ZNF662: variants seen among roughly 807,000 people sequenced by gnomAD.
ZNF662 encodes the protein zinc finger protein 662.
ZNF662 carries 14 observed loss-of-function variants against 12.4 expected under a neutral mutation model. The ratio of observed to expected loss-of-function variants is 1.13; its 90% CI spans 0.75 to 1.77. The LOEUF (loss-of-function observed/expected upper bound fraction) is 1.77. Among genes scored for constraint, ZNF662 ranks in the 40% most tolerant of loss-of-function variants. The pLI, the probability that ZNF662 is intolerant of heterozygous loss-of-function variation, is 0.00. For missense variants in ZNF662, 550 were observed against 515.6 expected, an observed-to-expected ratio of 1.07 and a Z score of -0.65; for synonymous variants, 184 against 176.4, an observed-to-expected ratio of 1.04 and a Z score of -0.34.
At position 42,917,157 on chromosome 3, in the gene ZNF662, C is replaced by A; in HGVS notation, c.*1803C>A. 1 of 285,068 alleles carries A rather than the reference C, an allele frequency of 3.5e-6. No individual in the cohort carries two copies. The highest frequency in any genetic ancestry group is 6.4e-6 in the Non-Finnish European group (1 of 155,976). The allele number at this position is 285,068 out of a possible 1,614,324, so 17.7% of individuals were successfully genotyped here. On this transcript the variant is annotated 3_prime_UTR_variant, in exon 5 of 5. Coordinates refer to ENST00000440367, the MANE Select transcript of ZNF662 (RefSeq NM_207404.4). ...TTATTGGTTTCCATCATCTCTTCCC[C>A]TTCTCTCTGGGAACAGTTACCCGGG...
In ZNF662 at chr3:42,917,602, A is replaced by G. The variant is rs768791378; in HGVS notation, c.*2248A>G. Reference sequence around the variant, plus strand: ...TTACCTGAAGCAGAGCTACCTCAGAACTTTTCAGCTATGTGAGCCAATAAA... The same window carrying G: ...TTACCTGAAGCAGAGCTACCTCAGAGCTTTTCAGCTATGTGAGCCAATAAA... On this transcript the variant is annotated 3_prime_UTR_variant, in exon 5 of 5. Transcript: ENST00000440367. 2.2e-5 allele frequency: 15 copies of G among 693,200 alleles called. No homozygotes were observed. The South Asian group carries it at 2.3e-4, about 11-fold the overall frequency. 42.9% of individuals were successfully genotyped at this position (693,200 alleles called of 1,614,324 possible). A position where few individuals can be genotyped will look rare whatever the true frequency, so the allele number is the denominator to read the frequency against.
rs903313627 is a variant in ZNF662, at chr3:42,917,977, A to G, written c.*2623A>G. Reference sequence around the variant, plus strand: ...CAAAATTAGCCAGGTGTGGTGGCACATGCCAGTAATCTCAGCTACTCAGGA... The same window carrying G: ...CAAAATTAGCCAGGTGTGGTGGCACGTGCCAGTAATCTCAGCTACTCAGGA... On this transcript the variant is annotated 3_prime_UTR_variant, in exon 5 of 5. Coordinates refer to ENST00000440367, the MANE Select transcript of ZNF662 (RefSeq NM_207404.4). 7.2e-5 allele frequency among the ~76,000 whole-genome samples: 11 copies of G among 152,226 alleles called. No individual in the cohort carries two copies. The highest frequency in any genetic ancestry group is 1.2e-4 in the Non-Finnish European group (8 of 68,034).
At position 42,906,274 on chromosome 3, in the gene ZNF662, C is replaced by A; in HGVS notation, c.-94+106C>A. On this transcript the variant is annotated intron_variant, in intron 1 of 4. Coordinates refer to ENST00000440367, the MANE Select transcript of ZNF662 (RefSeq NM_207404.4). This position sits in a 1 kb window ranked among gnomAD's most constrained non-coding sequence, Gnocchi z 4.4. Reference sequence around the variant, plus strand: ...TAGCCGTGTCAGGCCTGCCCAGGTGCAGAGCGCTCTTCCGCGACCCCAACA... The same window carrying A: ...TAGCCGTGTCAGGCCTGCCCAGGTGAAGAGCGCTCTTCCGCGACCCCAACA... The A allele has an allele frequency of 7.2e-7, 1 of 1,381,544 alleles. No homozygotes were observed. 85.6% of individuals were successfully genotyped at this position (1,381,544 alleles called of 1,614,324 possible).
Position 42,915,377 on chromosome 3 carries a change from G to C in ZNF662, c.*23G>C, listed in dbSNP as rs113518067. On this transcript the variant is annotated 3_prime_UTR_variant, in exon 5 of 5. Transcript: ENST00000440367. Reference sequence around the variant, plus strand: ...TAGAGAGTGCATAATGGTGATACTTGTTTATAATTCTTATGCTGCAGGAAC... The same window carrying C: ...TAGAGAGTGCATAATGGTGATACTTCTTTATAATTCTTATGCTGCAGGAAC... The C allele has an allele frequency of 2.1e-3, 3,196 of 1,522,724 alleles. 30 individuals carry two copies. Among genetic ancestry groups the C allele is most frequent in the African/African-American group, 0.021 (1,501 of 71,826 alleles). The allele number at this position is 1,522,724 out of a possible 1,614,324, so 94.3% of individuals were successfully genotyped here.
Position 42,915,450 on chromosome 3 carries a change from A to C in ZNF662, c.*96A>C. On this transcript the variant is annotated 3_prime_UTR_variant, in exon 5 of 5. Transcript: ENST00000440367. Reference sequence around the variant, plus strand: ...CATTCACAATTTGCTGTAACCCTTAACTTAAATAGCCAGTATTATCTTGCC... The same window carrying C: ...CATTCACAATTTGCTGTAACCCTTACCTTAAATAGCCAGTATTATCTTGCC... 8.7e-7 allele frequency: 1 copy of C among 1,152,638 alleles called. No homozygotes were observed. Among genetic ancestry groups the C allele is most frequent in the South Asian group, 1.6e-5 (1 of 62,584 alleles). 71.4% of individuals were successfully genotyped at this position (1,152,638 alleles called of 1,614,324 possible). A position where few individuals can be genotyped will look rare whatever the true frequency, so the allele number is the denominator to read the frequency against.
At position 42,917,424 on chromosome 3, in the gene ZNF662, A is replaced by G; in HGVS notation, c.*2070A>G. On this transcript the variant is annotated 3_prime_UTR_variant, in exon 5 of 5. Transcript: ENST00000440367. ...AGGAAAATGTGAGACCTAGAATTAT[A>G]GCAACTTTTTTTTTCTGTTAAAAGG... The G allele has an allele frequency of 1.5e-6, 1 of 676,342 alleles. No individual in the cohort carries two copies. The highest frequency in any genetic ancestry group is 2.7e-6 in the Non-Finnish European group (1 of 377,324). The allele number at this position is 676,342 out of a possible 1,614,324, so 41.9% of individuals were successfully genotyped here. A position where few individuals can be genotyped will look rare whatever the true frequency, so the allele number is the denominator to read the frequency against.
rs2088682344 is a variant in ZNF662, at chr3:42,906,590, T to C, written c.-94+422T>C. On this transcript the variant is annotated intron_variant, in intron 1 of 4. Coordinates refer to ENST00000440367, the MANE Select transcript of ZNF662 (RefSeq NM_207404.4). The surrounding 1 kb of genome is among the most constrained non-coding windows in gnomAD (Gnocchi z 4.4). Reference sequence around the variant, plus strand: ...GGCAGCACAGCGGAGTCGACACCCCTGGACCTGAGCCTCAAGGAGAGCAGA... The same window carrying C: ...GGCAGCACAGCGGAGTCGACACCCCCGGACCTGAGCCTCAAGGAGAGCAGA... 1.4e-6 allele frequency: 1 copy of C among 693,396 alleles called. No individual in the cohort carries two copies. Among genetic ancestry groups the C allele is most frequent in the Admixed American group, 3.7e-5 (1 of 26,678 alleles). The allele number at this position is 693,396 out of a possible 1,614,324, so 43.0% of individuals were successfully genotyped here.
At position 42,914,504 on chromosome 3, in the gene ZNF662, G is replaced by A. The variant is rs1388712318; in HGVS notation, c.431G>A (p.Gly144Glu). 1 of 1,614,030 alleles carries A rather than the reference G, an allele frequency of 6.2e-7. No homozygotes were observed. The highest frequency in any genetic ancestry group is 8.5e-7 in the Non-Finnish European group (1 of 1,180,006). Reference sequence around the variant, plus strand: ...GGGAGATGGCCTGGTTACCTCAATGGGGGACGTATGGAAAGTTCTACAAAT... The same window carrying A: ...GGGAGATGGCCTGGTTACCTCAATGAGGGACGTATGGAAAGTTCTACAAAT... ...RLGRWPGYLN[G>E]GRMESSTNDI... is the part of the protein sequence containing the mutation. The change falls in exon 5 of 5, where the codon GGG (glycine) becomes GAG (glutamate). Residue 144 changes from glycine (G) to glutamate (E), a missense_variant. Transcript: ENST00000440367.
Position 42,914,599 on chromosome 3 carries a change from A to C in ZNF662, c.526A>C (p.Asn176His). The change falls in exon 5 of 5, where the codon AAT (asparagine) becomes CAT (histidine). Residue 176 changes from asparagine to histidine, a missense_variant. Transcript: ENST00000440367. Reference protein sequence around the residue: ...VEESSGNTDVNNLLGIHHKIL... With the variant: ...VEESSGNTDVHNLLGIHHKIL... Reference sequence around the variant, plus strand: ...AGAGAGTTCAGGGAATACTGATGTCAATAACCTCCTTGGTATACATCACAA... The same window carrying C: ...AGAGAGTTCAGGGAATACTGATGTCCATAACCTCCTTGGTATACATCACAA... The C allele has an allele frequency of 6.2e-7, 1 of 1,614,176 alleles. No homozygotes were observed. The highest frequency in any genetic ancestry group is 8.5e-7 in the Non-Finnish European group (1 of 1,180,020).
Position 42,915,051 on chromosome 3 carries a change from C to T in ZNF662, c.978C>T (p.His326=). The change falls in exon 5 of 5, where the codon CAC becomes CAT. Residue 326 remains histidine (H), a synonymous_variant. Coordinates refer to ENST00000440367, the MANE Select transcript of ZNF662 (RefSeq NM_207404.4). ...NPALLRHQRM[H]TGEKPYECKD... ...CCCTTCTTCGACATCAGAGAATGCACACTGGGGAGAAGCCTTACGAATGTA... is the reference window on the plus strand; with the variant it reads ...CCCTTCTTCGACATCAGAGAATGCATACTGGGGAGAAGCCTTACGAATGTA... 1 of 1,613,826 alleles carries T rather than the reference C, an allele frequency of 6.2e-7. No homozygotes were observed. Among genetic ancestry groups the T allele is most frequent in the Non-Finnish European group, 8.5e-7 (1 of 1,179,974 alleles).
chr3:42,914,179 G>C, intron 4 of ZNF662, 148 bp from the exon 5 acceptor site: 1 of 630,900 alleles, frequency 1.6e-6, no homozygotes, highest in South Asian at 2.3e-5. Context: ...CTGTGTATTA[G>C]CCTTGTTTTT....
intron 2 of ZNF662, chr3:42,908,510 T>G: frequency 7.1e-6 from 9 of 1,263,108 alleles, no homozygotes; most frequent in Non-Finnish European, 9.0e-6. Context: ...ACTTGAGAGC[T>G]CTAAGAGGGA....
chr3:42,917,311 G>A lies in ZNF662; in HGVS notation c.*1957G>A. 1.7e-6 allele frequency: 1 copy of A among 594,458 alleles called. No homozygotes were observed. The highest frequency in any genetic ancestry group is 3.0e-6 in the Non-Finnish European group (1 of 338,082). 36.8% of individuals were successfully genotyped at this position (594,458 alleles called of 1,614,324 possible). A position where few individuals can be genotyped will look rare whatever the true frequency, so the allele number is the denominator to read the frequency against. On this transcript the variant is annotated 3_prime_UTR_variant, in exon 5 of 5. Transcript: ENST00000440367. ...CTTGGCCACAGAGCCATTGTGATAT[G>A]AGGAGATACTGGCTCTTCTGGAAAA...
In ZNF662 at chr3:42,915,098, T is replaced by C; in HGVS notation, c.1025T>C (p.Met342Thr). 3 of 1,613,990 alleles carry C rather than the reference T, an allele frequency of 1.9e-6. No homozygotes were observed. The highest frequency in any genetic ancestry group is 1.1e-5 in the South Asian group (1 of 91,064). ...TGTAAGGACTGTGGGAAGGGCTTCA[T>C]GTGGAACTCAGATCTTTCTCAGCAC... ...YECKDCGKGF[M>T]WNSDLSQHQR... The change falls in exon 5 of 5, where the codon ATG becomes ACG. Residue 342 changes from methionine (M) to threonine (T), a missense_variant. By Grantham distance (81) the Met-to-Thr change is moderately conservative. Coordinates refer to ENST00000440367, the MANE Select transcript of ZNF662 (RefSeq NM_207404.4).
At chr3:42,907,840 G>A in intron 1 of ZNF662, 182 bp from the exon 2 acceptor site, 2 of 985,362 alleles carry the variant, frequency 2.0e-6, no homozygotes, top group Non-Finnish European at 2.4e-6. Flanking sequence ...GAAAATTGAT[G>A]GCTGATGCCT....
At chr3:42,908,286 C>T (rs578206139) in intron 2 of ZNF662, 138 bp downstream of exon 2, 2 of 1,432,302 alleles carry the variant, frequency 1.4e-6, no homozygotes, top group South Asian at 3.4e-5. Flanking sequence ...GACCTAACCT[C>T]AGCAGCCGTT....
chr3:42,908,603 G>C, intron 2 of ZNF662, 190 bp from the exon 3 acceptor site: 1 of 1,438,642 alleles, frequency 7.0e-7, no homozygotes, highest in Non-Finnish European at 9.1e-7. Context: ...TGAGTCGTCT[G>C]TCAACTTCCT....
rs1559381580 is a variant in ZNF662 at position 42,912,693 on chromosome 3, A to ATTTATATATATAAATATATATATATATT, written c.152-505_152-504insATATATATAAATATATATATATATTTTT. Among the ~76,000 whole-genome samples the ATTTATATATATAAATATATATATATATT allele has an allele frequency of 1.5e-4, 8 of 53,100 alleles. 1 individual carries two copies. Among genetic ancestry groups the ATTTATATATATAAATATATATATATATT allele is most frequent in the South Asian group, 7.2e-4 (1 of 1,390 alleles). The allele number at this position is 53,100 out of a possible 152,430, so 34.8% of individuals were successfully genotyped here. A position where few individuals can be genotyped will look rare whatever the true frequency, so the allele number is the denominator to read the frequency against. ...TTTTTATATATATAAATATATATAT[A>ATTTATATATATAAATATATATATATATT]TTTTATATATATAAATATATATATA... On this transcript the variant is annotated intron_variant, in intron 3 of 4. Coordinates refer to ENST00000440367, the MANE Select transcript of ZNF662 (RefSeq NM_207404.4).
intron 3 of ZNF662, 84 bp downstream of exon 3, chr3:42,908,993 C>T (rs2088726855): frequency 1.1e-6 from 1 of 925,174 alleles, no homozygotes; most frequent in Admixed American, 2.5e-5. Flanking sequence ...TTTTTTTAAT[C>T]TAGTGTTGTA....
Sources: allele counts gnomAD v4.1 joint callset (sites outside exome capture counted in the v4.1 genomes callset), GRCh38; gene constraint gnomAD v4.1.1; non-coding constraint Gnocchi (gnomAD v3.1); transcripts MANE v1.5; gene names NCBI Gene and HGNC (gene_info 2026-07-23, HGNC 2026-07-21).